The following NPAS3 variants were observed in gnomAD, a reference collection of about 807,000 sequenced individuals.
NPAS3 encodes neuronal PAS domain protein 3, also known as neuronal PAS domain-containing protein 3.
A neutral mutation model predicts 73.1 loss-of-function variants in NPAS3; 14 were observed. The ratio of observed to expected loss-of-function variants is 0.19; its 90% CI spans 0.13 to 0.30. The LOEUF (loss-of-function observed/expected upper bound fraction) is 0.30. Among genes scored for constraint, NPAS3 ranks in the 10% least tolerant of loss-of-function variants. The probability of loss-of-function intolerance (pLI) is 1.00; values close to 1 mark genes in which losing one functional copy is unlikely to be tolerated. For missense variants in NPAS3, 1,096 were observed against 1,250.0 expected, an observed-to-expected ratio of 0.88 and a Z score of 1.86; for synonymous variants, 620 against 541.5, an observed-to-expected ratio of 1.14 and a Z score of -2.01.
chr14:32,969,946 T>C (rs1394366377), intron 1 of NPAS3, among the ~76,000 whole-genome samples: 1 of 152,140 alleles, frequency 6.6e-6, no homozygotes, highest in Non-Finnish European at 1.5e-5. Context: ...ACATTACTAA[T>C]TACTGAAAAC....
At chr14:33,494,128 T>C (rs2052044586) in intron 4 of NPAS3, among the ~76,000 whole-genome samples, 1 of 152,132 alleles carries the variant, frequency 6.6e-6, no homozygotes, top group Admixed American at 6.5e-5. Flanking sequence ...CCAAATTATA[T>C]TGTGTCAGCT....
chr14:33,663,584 CTCTT>C (rs1434673899), intron 5 of NPAS3, among the ~76,000 whole-genome samples: 2 of 152,086 alleles, frequency 1.3e-5, no homozygotes, highest in Non-Finnish European at 2.9e-5. Context: ...GGAGGAGTCT[CTCTT>C]TCTATTGTTT....
At chr14:33,384,556 C>A (rs1355060804) in intron 4 of NPAS3, among the ~76,000 whole-genome samples, 1 of 151,986 alleles carries the variant, frequency 6.6e-6, no homozygotes, top group Non-Finnish European at 1.5e-5. Context: ...ATGGTGAAAC[C>A]CCATCTCTAC....
rs187019584 is a variant in NPAS3 at position 33,446,531 on chromosome 14, G to T, written c.468+79263G>T. On this transcript the variant is annotated intron_variant, in intron 4 of 11. Coordinates refer to ENST00000356141, the Ensembl canonical transcript of NPAS3. ...ATAGATATTCCTGAAATTCTTTCAT[G>T]TTCTTTACTAGATAGTTGTATCTCA... is the stretch of plus-strand genomic sequence containing the variant. 2.7e-3 allele frequency among the ~76,000 whole-genome samples: 405 copies of T among 152,266 alleles called. 2 individuals carry two copies. Among genetic ancestry groups the T allele is most frequent in the South Asian group, 8.9e-3 (43 of 4,826 alleles).
At chr14:33,634,923 C>T (rs918491921) in intron 5 of NPAS3, among the ~76,000 whole-genome samples, 5 of 152,174 alleles carry the variant, frequency 3.3e-5, no homozygotes, top group African/African-American at 1.2e-4. Flanking sequence ...AAATTCTGAG[C>T]CCCACCCAAT....
intron 3 of NPAS3, among the ~76,000 whole-genome samples, chr14:33,267,815 A>G (rs2040882726): frequency 6.6e-6 from 1 of 152,186 alleles, no homozygotes; most frequent in Non-Finnish European, 1.5e-5. Flanking sequence ...GGAGCCCAGC[A>G]TTGGGCATGC....
At chr14:33,553,774 C>T (rs1042871543) in intron 4 of NPAS3, among the ~76,000 whole-genome samples, 2 of 152,262 alleles carry the variant, frequency 1.3e-5, no homozygotes, top group African/African-American at 2.4e-5. Flanking sequence ...TTTGTTTCTG[C>T]ACAGTGCTGG....
chr14:33,366,772 G>C (rs1047090140), intron 3 of NPAS3, among the ~76,000 whole-genome samples: 1 of 152,102 alleles, frequency 6.6e-6, no homozygotes, highest in African/African-American at 2.4e-5. Flanking sequence ...CCTAGAAGAT[G>C]TAAGAAGTTT....
At chr14:33,328,418 G>A (rs1322036877) in intron 3 of NPAS3, among the ~76,000 whole-genome samples, 2 of 99,390 alleles carry the variant, frequency 2.0e-5, no homozygotes, top group South Asian at 3.8e-4. Context: ...ATTTATTGAT[G>A]TTTTTATCTT....
chr14:33,658,732 A>G (rs2059221507), intron 5 of NPAS3, among the ~76,000 whole-genome samples: 1 of 152,178 alleles, frequency 6.6e-6, no homozygotes, highest in African/African-American at 2.4e-5. Context: ...TTAGAGATGC[A>G]AAGACTCTGT....
intron 4 of NPAS3, among the ~76,000 whole-genome samples, chr14:33,452,252 G>C (rs1237948731): frequency 1.3e-5 from 2 of 152,164 alleles, no homozygotes; most frequent in Non-Finnish European, 2.9e-5. Context: ...AAAGGAGGTT[G>C]AACCTACATG....
At chr14:33,060,589 T>A (rs1169152357) in intron 2 of NPAS3, among the ~76,000 whole-genome samples, 1 of 152,338 alleles carries the variant, frequency 6.6e-6, no homozygotes, top group South Asian at 2.1e-4. Context: ...TTAGCTGTCT[T>A]TTCCATCCTT....
At chr14:33,747,906 T>C (rs1245426862) in intron 7 of NPAS3, among the ~76,000 whole-genome samples, 3 of 152,186 alleles carry the variant, frequency 2.0e-5, no homozygotes. Context: ...CCTCCCCATC[T>C]ACAATATATC....
intron 4 of NPAS3, among the ~76,000 whole-genome samples, chr14:33,482,476 A>G (rs571606536): frequency 5.3e-4 from 80 of 152,246 alleles, no homozygotes; most frequent in African/African-American, 1.6e-3. Context: ...CAGTGCTTTG[A>G]TTCCATACAG....
intron 6 of NPAS3, among the ~76,000 whole-genome samples, chr14:33,708,495 A>G (rs1456237530): frequency 2.0e-5 from 3 of 152,190 alleles, no homozygotes; most frequent in Non-Finnish European, 4.4e-5. Context: ...GATGGAAGGC[A>G]ATGAGTAGGA....
chr14:32,974,234 A>G (rs2037560205), intron 1 of NPAS3, among the ~76,000 whole-genome samples: 1 of 152,206 alleles, frequency 6.6e-6, no homozygotes, highest in South Asian at 2.1e-4. Flanking sequence ...AACACTTAAG[A>G]TTGCTAGTCA....
chr14:33,248,897 C>A (rs1271522544), intron 3 of NPAS3, among the ~76,000 whole-genome samples: 1 of 152,158 alleles, frequency 6.6e-6, no homozygotes, highest in East Asian at 1.9e-4. Flanking sequence ...TGGAATTCTG[C>A]AAATTGTGTT....
intron 1 of NPAS3, among the ~76,000 whole-genome samples, chr14:32,964,491 G>A (rs572953307): frequency 6.6e-6 from 1 of 151,760 alleles, no homozygotes; most frequent in South Asian, 2.1e-4. Context: ...AAAGTCCAGT[G>A]GTTACATATA....
chr14:33,163,623 GTTTTTTT>G (rs71448290), intron 2 of NPAS3, among the ~76,000 whole-genome samples: 3 of 110,610 alleles, frequency 2.7e-5, no homozygotes, highest in East Asian at 2.6e-4. Context: ...GTGTTTTGTT[GTTTTTTT>G]TTTTTTTTTT....
Sources: gnomAD v4.1 joint callset for allele counts (sites outside exome capture counted in the v4.1 genomes callset) on GRCh38, gnomAD v4.1.1 for gene constraint, MANE v1.5 for transcripts, NCBI Gene and HGNC (gene_info 2026-07-23, HGNC 2026-07-21) for gene names.